Variants in XYLT1 observed in about 807,000 individuals in gnomAD.
XYLT1 encodes xylosyltransferase 1, also known as beta-D-xylosyltransferase 1.
Under a neutral mutation model 91.3 loss-of-function variants are expected in XYLT1, and 36 were observed. The ratio of observed to expected loss-of-function variants is 0.39; its 90% CI spans 0.30 to 0.52. XYLT1 has a LOEUF of 0.52. Ranked by LOEUF, XYLT1 falls within the 20% of genes least tolerant of loss-of-function variation. XYLT1 has a pLI of 0.68. For missense variants in XYLT1, 1,242 were observed against 1,284.5 expected, an observed-to-expected ratio of 0.97 and a Z score of 0.51; for synonymous variants, 588 against 532.0, an observed-to-expected ratio of 1.11 and a Z score of -1.45.
intron 2 of XYLT1, chr16:17,355,432 A>T (rs2035280699): frequency 6.6e-6 from 1 of 152,164 alleles, no homozygotes; most frequent in South Asian, 2.1e-4. Context: ...AAGGATAAGG[A>T]AAAGAAGGAC....
At chr16:17,277,556 A>T (rs191332293) in intron 2 of XYLT1, among the ~76,000 whole-genome samples, 1 of 151,974 alleles carries the variant, frequency 6.6e-6, no homozygotes, top group East Asian at 1.9e-4. Flanking sequence ...CACCCAGCTA[A>T]TTTTTGTATA....
At chr16:17,294,474 C>T (rs927675179) in intron 2 of XYLT1, among the ~76,000 whole-genome samples, 1 of 152,168 alleles carries the variant, frequency 6.6e-6, no homozygotes, top group African/African-American at 2.4e-5. Context: ...CAAGCAAGAG[C>T]TGCTGTGTAA....
intron 1 of XYLT1, among the ~76,000 whole-genome samples, chr16:17,401,466 T>C (rs1193918427): frequency 2.6e-5 from 4 of 152,198 alleles, no homozygotes; most frequent in African/African-American, 4.8e-5. Context: ...AGCTTACCGA[T>C]GTAACTATGT....
chr16:17,253,435 C>A (rs115119833), intron 3 of XYLT1, among the ~76,000 whole-genome samples: 1 of 152,084 alleles, frequency 6.6e-6, no homozygotes, highest in Non-Finnish European at 1.5e-5. Context: ...CAAAGCCATC[C>A]GGAGATAACC....
intron 2 of XYLT1, among the ~76,000 whole-genome samples, chr16:17,320,437 G>C (rs1452813603): frequency 1.3e-5 from 2 of 151,262 alleles, no homozygotes; most frequent in African/African-American, 4.9e-5. Flanking sequence ...AGGAAATGGG[G>C]CATGAGTTGT....
chr16:17,162,569 TAGTGAATGAACG>T (rs2031581176), intron 5 of XYLT1, among the ~76,000 whole-genome samples: 1 of 152,096 alleles, frequency 6.6e-6, no homozygotes, highest in Non-Finnish European at 1.5e-5. Context: ...CTACAAATGA[TAGTGAATGAACG>T]AGTGAATGAA....
chr16:17,136,350 C>T (rs531619015), intron 8 of XYLT1, among the ~76,000 whole-genome samples: 5 of 152,246 alleles, frequency 3.3e-5, no homozygotes, highest in African/African-American at 7.2e-5. Flanking sequence ...GCCCCCTGAT[C>T]GTAAGTACCC....
At chr16:17,392,837 T>G (rs985042906) in intron 1 of XYLT1, among the ~76,000 whole-genome samples, 2 of 152,112 alleles carry the variant, frequency 1.3e-5, no homozygotes, top group African/African-American at 4.8e-5. Flanking sequence ...AAATGTATAT[T>G]TGACGTTTCC....
intron 2 of XYLT1, among the ~76,000 whole-genome samples, chr16:17,261,455 G>A (rs1308037857): frequency 2.0e-5 from 3 of 152,032 alleles, no homozygotes; most frequent in Admixed American, 6.6e-5. Context: ...GCTAGTTGGC[G>A]GTGAAGCTGG....
chr16:17,188,517 C>A (rs978876937), intron 5 of XYLT1, among the ~76,000 whole-genome samples: 1 of 152,194 alleles, frequency 6.6e-6, no homozygotes. Context: ...CCTCACACTT[C>A]TCCTAAACTC....
At chr16:17,449,369 T>C (rs2036635435) in intron 1 of XYLT1, among the ~76,000 whole-genome samples, 1 of 152,210 alleles carries the variant, frequency 6.6e-6, no homozygotes, top group Non-Finnish European at 1.5e-5. Flanking sequence ...AGGAGAAGAT[T>C]GGGTGTCTGC....
chr16:17,232,979 A>T (rs979973874), intron 3 of XYLT1, among the ~76,000 whole-genome samples: 1 of 151,958 alleles, frequency 6.6e-6, no homozygotes, highest in Non-Finnish European at 1.5e-5. Flanking sequence ...ATATTTTTTT[A>T]ATGCCTCCAC....
rs76628149 is a variant in XYLT1, at chr16:17,178,563, C to T, written c.1289+19649G>A. On this transcript the variant is annotated intron_variant, in intron 5 of 11. Coordinates refer to ENST00000261381, the MANE Select transcript of XYLT1 (RefSeq NM_022166.4). ...GATGTACGTGTTCTGGGCAAGGCCA[C>T]GATCTGAAACATGGGAGATCTGGCA... 3.4e-3 allele frequency among the ~76,000 whole-genome samples: 519 copies of T among 152,238 alleles called. 4 individuals are homozygous for T. The highest frequency in any genetic ancestry group is 4.9e-3 in the Non-Finnish European group (334 of 68,022).
At position 17,317,898 on chromosome 16, in the gene XYLT1, C is replaced by T. The variant is rs113141803; in HGVS notation, c.402+40114G>A. 1.9e-3 allele frequency among the ~76,000 whole-genome samples: 282 copies of T among 152,262 alleles called. 2 individuals carry two copies. The highest frequency in any genetic ancestry group is 6.6e-3 in the African/African-American group (273 of 41,540). ...GGCATTTGCACACACTATTCCTCTG[C>T]CTGGAATGCTTTTCCCTGCATCCTT... On this transcript the variant is annotated intron_variant, in intron 2 of 11. Transcript: ENST00000261381.
In XYLT1 at chr16:17,312,879, G is replaced by A. The variant is rs995282385; in HGVS notation, c.402+45133C>T. Among the ~76,000 whole-genome samples the A allele has an allele frequency of 3.9e-5, 6 of 152,268 alleles. No individual in the cohort carries two copies. Among genetic ancestry groups the A allele is most frequent in the Non-Finnish European group, 7.3e-5 (5 of 68,052 alleles). On this transcript the variant is annotated intron_variant, in intron 2 of 11. Transcript: ENST00000261381. The surrounding 1 kb of genome is among the most constrained non-coding windows in gnomAD (Gnocchi z 4.4). ...AGTGCAAACTCGCTCATGGATCAGA[G>A]ATGTTTCTGAGGGTACTCATATTTG...
Position 17,442,271 on chromosome 16 carries a change from A to G in XYLT1, c.363+28163T>C, listed in dbSNP as rs535895924. Among the ~76,000 whole-genome samples the G allele has an allele frequency of 2.6e-5, 4 of 152,316 alleles. No individual in the cohort carries two copies. In the South Asian group the frequency reaches 8.3e-4, roughly 32 times the overall value. ...GAAACTGTATGCGTGTGTCTCATATACATCCCATTGGTTGTTTCTCTGGAG... is the reference window on the plus strand; with the variant it reads ...GAAACTGTATGCGTGTGTCTCATATGCATCCCATTGGTTGTTTCTCTGGAG... On this transcript the variant is annotated intron_variant, in intron 1 of 11. Coordinates refer to ENST00000261381, the MANE Select transcript of XYLT1 (RefSeq NM_022166.4).
At chr16:17,177,649 A>G (rs75440908) in intron 5 of XYLT1, among the ~76,000 whole-genome samples, 2,443 of 152,288 alleles carry the variant, frequency 0.016, 61 homozygotes, top group African/African-American at 0.054. Context: ...TATTTTGCGG[A>G]CACCACCTTG....
chr16:17,402,164 CAA>C (rs1266957136), intron 1 of XYLT1, among the ~76,000 whole-genome samples: 5 of 143,784 alleles, frequency 3.5e-5, no homozygotes, highest in African/African-American at 8.4e-5. Flanking sequence ...CACACACACA[CAA>C]AAAGTTAGCC....
chr16:17,137,621 G>A (rs185036887), intron 8 of XYLT1: 10 of 151,480 alleles, frequency 6.6e-5, no homozygotes, highest in African/African-American at 2.5e-4. Flanking sequence ...CATGGTAAGT[G>A]GATGAGCATT....
Sources: gnomAD v4.1 joint callset for allele counts (sites outside exome capture counted in the v4.1 genomes callset) on GRCh38, gnomAD v4.1.1 for gene constraint, Gnocchi (gnomAD v3.1) non-coding constraint, MANE v1.5 for transcripts, NCBI Gene and HGNC (gene_info 2026-07-23, HGNC 2026-07-21) for gene names.